CDH4: variants seen among roughly 807,000 people sequenced by gnomAD.
CDH4 encodes cadherin 4.
In CDH4, 33 loss-of-function variants were observed where a neutral mutation model predicts 86.0. The observed-to-expected ratio is 0.38, with a 90% CI of 0.29 to 0.51. The LOEUF is 0.51. Among genes scored for constraint, CDH4 ranks in the 20% least tolerant of loss-of-function variants. The pLI, the probability that CDH4 is intolerant of heterozygous loss-of-function variation, is 0.86. For missense variants in CDH4, 1,114 were observed against 1,307.4 expected, an observed-to-expected ratio of 0.85 and a Z score of 2.28; for synonymous variants, 555 against 549.4, an observed-to-expected ratio of 1.01 and a Z score of -0.14.
intron 2 of CDH4, among the ~76,000 whole-genome samples, chr20:61,305,859 C>T (rs572012526): frequency 5.9e-5 from 9 of 152,312 alleles, no homozygotes; most frequent in African/African-American, 1.9e-4. Context: ...TGATCTATAT[C>T]TGTATATTTG....
intron 2 of CDH4, among the ~76,000 whole-genome samples, chr20:61,301,293 G>A (rs1302648998): frequency 6.6e-6 from 1 of 152,252 alleles, no homozygotes; most frequent in Non-Finnish European, 1.5e-5. Flanking sequence ...ATACAGTGCT[G>A]GGGCCTTTAC....
intron 2 of CDH4, among the ~76,000 whole-genome samples, chr20:61,285,609 A>G (rs998912514): frequency 2.6e-5 from 4 of 152,266 alleles, no homozygotes; most frequent in African/African-American, 9.6e-5. Flanking sequence ...ATGAAAGATA[A>G]AGGAAATGAA....
At chr20:61,901,854 G>A (rs2054731049) in intron 8 of CDH4, among the ~76,000 whole-genome samples, 1 of 152,354 alleles carries the variant, frequency 6.6e-6, no homozygotes, top group South Asian at 2.1e-4. Context: ...GGCAAAAGGA[G>A]GTCCTGAGCC....
intron 2 of CDH4, among the ~76,000 whole-genome samples, chr20:61,647,112 C>T (rs779431802): frequency 1.3e-5 from 2 of 152,206 alleles, no homozygotes; most frequent in Non-Finnish European, 2.9e-5. Flanking sequence ...TCCTCTCCAT[C>T]CACACGAATG....
chr20:61,529,568 A>G (rs961747408), intron 2 of CDH4, among the ~76,000 whole-genome samples: 6 of 152,240 alleles, frequency 3.9e-5, no homozygotes, highest in Non-Finnish European at 7.3e-5. Flanking sequence ...GTGAGGAAAG[A>G]GAATCTCTGT....
rs1004071936 is a variant in CDH4 at position 61,377,721 on chromosome 20, C to T, written c.169+122784C>T. On this transcript the variant is annotated intron_variant, in intron 2 of 15. Coordinates refer to ENST00000614565, the MANE Select transcript of CDH4 (RefSeq NM_001794.5). The surrounding 1 kb of genome is among the most constrained non-coding windows in gnomAD (Gnocchi z 4.0). ...GTTAATGTGCCATAACCACTGGCTC[C>T]AAGCAATTCTTCAGTGCTGTGTAAA... 2.6e-5 allele frequency among the ~76,000 whole-genome samples: 4 copies of T among 152,232 alleles called. No individual in the cohort carries two copies. Among genetic ancestry groups the T allele is most frequent in the Admixed American group, 2.6e-4 (4 of 15,282 alleles).
chr20:61,735,501 G>T (rs1414701439), intron 2 of CDH4, among the ~76,000 whole-genome samples: 1 of 152,128 alleles, frequency 6.6e-6, no homozygotes, highest in Non-Finnish European at 1.5e-5. Context: ...CCAGCCCAAT[G>T]CAGACCCCCA....
At chr20:61,638,901 A>G (rs2086976711) in intron 2 of CDH4, among the ~76,000 whole-genome samples, 1 of 152,188 alleles carries the variant, frequency 6.6e-6, no homozygotes, top group African/African-American at 2.4e-5. Flanking sequence ...AGGGTAGGGA[A>G]TTGAAGCCAA....
intron 5 of CDH4, among the ~76,000 whole-genome samples, chr20:61,846,282 G>A (rs1982449633): frequency 6.6e-6 from 1 of 152,198 alleles, no homozygotes; most frequent in African/African-American, 2.4e-5. Flanking sequence ...TCGTGTGCTG[G>A]GCCCCCCAGG....
chr20:61,257,793 C>G (rs556711517), intron 2 of CDH4, among the ~76,000 whole-genome samples: 11 of 152,330 alleles, frequency 7.2e-5, no homozygotes, highest in African/African-American at 2.6e-4. Context: ...CAGCCTGGTA[C>G]GGTGACCTGC....
At chr20:61,913,332 AGC>A (rs1348375593) in intron 9 of CDH4, among the ~76,000 whole-genome samples, 1 of 152,220 alleles carries the variant, frequency 6.6e-6, no homozygotes, top group African/African-American at 2.4e-5. Flanking sequence ...CTTCCTGCCC[AGC>A]CCAGGGGCTG....
At chr20:61,439,922 T>C (rs1324408055) in intron 2 of CDH4, among the ~76,000 whole-genome samples, 1 of 152,216 alleles carries the variant, frequency 6.6e-6, no homozygotes, top group African/African-American at 2.4e-5. Flanking sequence ...ACTCCTAAAT[T>C]GAATTCCCAC....
chr20:61,736,529 G>A (rs1296537729), intron 2 of CDH4, among the ~76,000 whole-genome samples: 2 of 152,090 alleles, frequency 1.3e-5, no homozygotes, highest in African/African-American at 4.8e-5. Context: ...CAGCTCCACT[G>A]GCAGTCTCTG....
chr20:61,662,780 C>T lies in CDH4; in HGVS notation c.170-80783C>T, dbSNP rs538724642. Among the ~76,000 whole-genome samples the T allele has an allele frequency of 3.9e-5, 6 of 152,274 alleles. No homozygotes were observed. In the East Asian group the frequency reaches 5.8e-4, roughly 15 times the overall value. ...TCGGGATGGCGAGGGTACCTGTGCA[C>T]GCAAATGGGAGGTACCGTTTCCTGC... On this transcript the variant is annotated intron_variant, in intron 2 of 15. Coordinates refer to ENST00000614565, the MANE Select transcript of CDH4 (RefSeq NM_001794.5).
intron 2 of CDH4, among the ~76,000 whole-genome samples, chr20:61,649,379 A>G (rs899265503): frequency 1.3e-5 from 2 of 152,258 alleles, no homozygotes; most frequent in African/African-American, 2.4e-5. Flanking sequence ...TGTGGCATAG[A>G]TCTTCCTCTA....
In CDH4 at chr20:61,743,675, C is replaced by A; in HGVS notation, c.282C>A (p.Pro94=). The A allele has an allele frequency of 6.2e-7, 1 of 1,605,196 alleles. No homozygotes were observed. The highest frequency in any genetic ancestry group is 1.7e-5 in the Admixed American group (1 of 58,844). The change falls in exon 3 of 16, where the codon CCC becomes CCA. Residue 94 remains proline, a synonymous_variant. Coordinates refer to ENST00000614565, the MANE Select transcript of CDH4 (RefSeq NM_001794.5). ...TCGCCACCCGGGAGCTGCAGGTCCC[C>A]TCCGAGCAGGTGGCGTTCACGGTGA... is the stretch of plus-strand genomic sequence containing the variant. The part of the protein sequence containing the change: ...TVFATRELQV[P]SEQVAFTVTA...
chr20:61,775,189 C>T (rs1015196024), intron 4 of CDH4, among the ~76,000 whole-genome samples: 2 of 152,076 alleles, frequency 1.3e-5, no homozygotes, highest in Admixed American at 6.6e-5. Flanking sequence ...TAGAGAAAAG[C>T]ATAAGGTGAG....
chr20:61,409,375 G>A (rs1301784557), intron 2 of CDH4, among the ~76,000 whole-genome samples: 9 of 152,204 alleles, frequency 5.9e-5, no homozygotes, highest in African/African-American at 2.4e-5. Context: ...AATAAAATGT[G>A]TTCTTTTCAG....
intron 2 of CDH4, among the ~76,000 whole-genome samples, chr20:61,473,901 T>C (rs2085520187): frequency 6.6e-6 from 1 of 152,110 alleles, no homozygotes; most frequent in African/African-American, 2.4e-5. Context: ...ATTTTGGTGA[T>C]CAGCTGTGGA....
Sources: gnomAD v4.1 joint callset for allele counts (sites outside exome capture counted in the v4.1 genomes callset) on GRCh38, gnomAD v4.1.1 for gene constraint, Gnocchi (gnomAD v3.1) non-coding constraint, MANE v1.5 for transcripts, NCBI Gene and HGNC (gene_info 2026-07-23, HGNC 2026-07-21) for gene names.